TMEM108: variants seen among roughly 807,000 people sequenced by gnomAD.
The protein encoded by TMEM108 is cancer/testis antigen 124.
In TMEM108, 12 loss-of-function variants were observed where a neutral mutation model predicts 35.1. The observed-to-expected ratio is 0.34, with a 90% CI of 0.22 to 0.55. The LOEUF (loss-of-function observed/expected upper bound fraction) is 0.55. Among genes scored for constraint, TMEM108 ranks in the 20% least tolerant of loss-of-function variants. The pLI is 0.89. For synonymous variants in TMEM108, 287 were observed against 308.6 expected (o/e 0.93, Z 0.73); for missense variants, 680 against 753.3 (o/e 0.90, Z 1.14).
intron 2 of TMEM108, among the ~76,000 whole-genome samples, chr3:133,106,537 T>A (rs1014473195): frequency 3.3e-5 from 5 of 152,184 alleles, no homozygotes; most frequent in Non-Finnish European, 7.3e-5. Context: ...CTCACACTTT[T>A]GTGTAGTTTC....
At chr3:133,133,720 T>G (rs1049736473) in intron 2 of TMEM108, among the ~76,000 whole-genome samples, 1 of 150,304 alleles carries the variant, frequency 6.7e-6, no homozygotes, top group African/African-American at 2.5e-5. Flanking sequence ...AGACGGAGTC[T>G]CGCTGTATCA....
intron 2 of TMEM108, among the ~76,000 whole-genome samples, chr3:133,068,209 A>G (rs904483978): frequency 1.3e-5 from 2 of 152,148 alleles, no homozygotes; most frequent in Admixed American, 1.3e-4. Flanking sequence ...TTAGGAGAAC[A>G]TACTCAAATC....
At chr3:133,319,734 A>G (rs898816620) in intron 3 of TMEM108, among the ~76,000 whole-genome samples, 2 of 152,152 alleles carry the variant, frequency 1.3e-5, no homozygotes, top group Non-Finnish European at 2.9e-5. Context: ...GCGCCAACCC[A>G]GAGCCTGGTA....
At chr3:133,123,545 A>G (rs1223148454) in intron 2 of TMEM108, among the ~76,000 whole-genome samples, 1 of 152,210 alleles carries the variant, frequency 6.6e-6, no homozygotes, top group Non-Finnish European at 1.5e-5. Context: ...TGAAAATAGT[A>G]TCTTATTTTG....
chr3:133,260,232 A>C (rs1449789945), intron 3 of TMEM108, among the ~76,000 whole-genome samples: 1 of 152,164 alleles, frequency 6.6e-6, no homozygotes, highest in Non-Finnish European at 1.5e-5. Context: ...AATAAGACAA[A>C]TAAGATATCT....
chr3:133,382,119 T>C (rs1465509586), intron 4 of TMEM108, among the ~76,000 whole-genome samples: 1 of 152,206 alleles, frequency 6.6e-6, no homozygotes, highest in African/African-American at 2.4e-5. Context: ...TCTGATAGCC[T>C]TGCAGGAATC....
chr3:133,318,429 C>T (rs1707254134), intron 3 of TMEM108, among the ~76,000 whole-genome samples: 1 of 152,124 alleles, frequency 6.6e-6, no homozygotes, highest in Non-Finnish European at 1.5e-5. Flanking sequence ...TTTTCAAACC[C>T]ATTTTATAGA....
In TMEM108 at chr3:133,224,735, TA is replaced by T. The variant is rs368346439; in HGVS notation, c.-46-4528del. Among the ~76,000 whole-genome samples the T allele has an allele frequency of 9.8e-3, 1,496 of 152,286 alleles. 22 individuals carry two copies. Among genetic ancestry groups the T allele is most frequent in the African/African-American group, 0.033 (1,387 of 41,552 alleles). On this transcript the variant is annotated intron_variant, in intron 2 of 5. Coordinates refer to ENST00000321871, the MANE Select transcript of TMEM108 (RefSeq NM_023943.4). ...AGTCCATTAAACGTCTTTTTCTTTATAAATTACCCAGTCTTGGGTATGTCTT... is the reference window on the plus strand; with the variant it reads ...AGTCCATTAAACGTCTTTTTCTTTATAATTACCCAGTCTTGGGTATGTCTT...
chr3:133,316,959 C>G (rs1254454170), intron 3 of TMEM108, among the ~76,000 whole-genome samples: 1 of 152,204 alleles, frequency 6.6e-6, no homozygotes, highest in African/African-American at 2.4e-5. Flanking sequence ...AAAATTCCCT[C>G]TGTAAGTAAA....
intron 3 of TMEM108, among the ~76,000 whole-genome samples, chr3:133,370,871 A>AGTGTGTGTGTGTGTGTGTGTGTGTGT (rs71624013): frequency 2.1e-4 from 26 of 125,466 alleles, no homozygotes; most frequent in Admixed American, 2.0e-3. Flanking sequence ...CCCAGCCCAT[A>AGTGTGTGTGTGTGTGTGTGTGTGTGT]GTGTGTGTGT....
chr3:133,159,893 T>C (rs1944936770), intron 2 of TMEM108, among the ~76,000 whole-genome samples: 1 of 152,230 alleles, frequency 6.6e-6, no homozygotes, highest in African/African-American at 2.4e-5. Flanking sequence ...CTTTCTGTTT[T>C]GTCCTGCTTT....
chr3:133,174,405 A>G (rs1339564408), intron 2 of TMEM108, among the ~76,000 whole-genome samples: 1 of 152,200 alleles, frequency 6.6e-6, no homozygotes, highest in Admixed American at 6.5e-5. Flanking sequence ...ACCCCCGAGT[A>G]GCCTAACTAG....
intron 3 of TMEM108, among the ~76,000 whole-genome samples, chr3:133,367,899 G>A (rs538513054): frequency 1.3e-5 from 2 of 152,332 alleles, no homozygotes; most frequent in East Asian, 1.9e-4. Flanking sequence ...GCATGCCTGG[G>A]AGGATGTCAG....
chr3:133,061,305 G>A lies in TMEM108; in HGVS notation c.-47+15285G>A, dbSNP rs546854013. 1.8e-3 allele frequency among the ~76,000 whole-genome samples: 273 copies of A among 149,680 alleles called. 3 individuals are homozygous for A. Among genetic ancestry groups the A allele is most frequent in the Non-Finnish European group, 1.3e-3 (85 of 67,766 alleles). ...CTGCTCACTGCAAGCTCCGCATCCC[G>A]GGTTCACGCCATTCTCCACCTCAGC... On this transcript the variant is annotated intron_variant, in intron 2 of 5. Transcript: ENST00000321871.
rs1197314 is a variant in TMEM108, at chr3:133,380,401, G to A, written c.690G>A (p.Pro230=). The A allele has an allele frequency of 0.43, 694,947 of 1,613,754 alleles. 151,313 individuals carry two copies. The highest frequency in any genetic ancestry group is 0.47 in the Admixed American group (28,098 of 59,994). ...GCAACTTCACAGGGTCTGTGGAACC[G>A]GAGCCCTCTACCCTCACCCCCAGGA... is the stretch of plus-strand genomic sequence containing the variant. The part of the protein sequence containing the change: ...YKGNFTGSVE[P]EPSTLTPRTP... The change falls in exon 4 of 6, where the codon CCG becomes CCA. Residue 230 remains proline (P), a synonymous_variant. Coordinates refer to ENST00000321871, the MANE Select transcript of TMEM108 (RefSeq NM_023943.4). The surrounding 1 kb of genome is among the most constrained non-coding windows in gnomAD (Gnocchi z 5.3).
intron 2 of TMEM108, among the ~76,000 whole-genome samples, chr3:133,127,762 T>C (rs1559840948): frequency 6.6e-6 from 1 of 152,254 alleles, no homozygotes; most frequent in South Asian, 2.1e-4. Context: ...CCTTAATTTC[T>C]ATGATACCTT....
intron 2 of TMEM108, among the ~76,000 whole-genome samples, chr3:133,222,602 A>T (rs1386802711): frequency 6.6e-6 from 1 of 151,926 alleles, no homozygotes; most frequent in Non-Finnish European, 1.5e-5. Flanking sequence ...ATATATTTTC[A>T]AATAACTTGT....
chr3:133,178,899 C>T (rs1945283449), intron 2 of TMEM108, among the ~76,000 whole-genome samples: 1 of 151,880 alleles, frequency 6.6e-6, no homozygotes, highest in Non-Finnish European at 1.5e-5. Flanking sequence ...AAAATTTTTG[C>T]AATCTACTCA....
chr3:133,291,967 T>C (rs528039125), intron 3 of TMEM108, among the ~76,000 whole-genome samples: 1 of 152,128 alleles, frequency 6.6e-6, no homozygotes. Flanking sequence ...TCTGCAGTGG[T>C]TCCCAACCCT....
Sources: gnomAD v4.1 joint callset for allele counts (sites outside exome capture counted in the v4.1 genomes callset) on GRCh38, gnomAD v4.1.1 for gene constraint, Gnocchi (gnomAD v3.1) non-coding constraint, MANE v1.5 for transcripts, NCBI Gene and HGNC (gene_info 2026-07-23, HGNC 2026-07-21) for gene names.